Variants in POLL observed in about 807,000 individuals in gnomAD.
POLL encodes DNA polymerase lambda.
In POLL, 44 loss-of-function variants were observed where a neutral mutation model predicts 58.1. The ratio of observed to expected loss-of-function variants is 0.76; its 90% CI spans 0.60 to 0.97. The LOEUF is 0.97. Among genes scored for constraint, POLL ranks in the 50% least tolerant of loss-of-function variants. POLL has a pLI of 0.00. For missense variants in POLL, 632 were observed against 736.8 expected (o/e 0.86, Z 1.65); for synonymous variants, 290 against 283.2 (o/e 1.02, Z -0.24).
Position 101,580,326 on chromosome 10 carries a change from C to T in POLL, c.1285G>A (p.Asp429Asn), listed in dbSNP as rs761624292. 12 of 1,613,802 alleles carry T rather than the reference C, an allele frequency of 7.4e-6. No homozygotes were observed. Among genetic ancestry groups the T allele is most frequent in the East Asian group, 2.2e-5 (1 of 44,880 alleles). ...RRGKATCGDV[D>N]VLITHPDGRS... is the part of the protein sequence containing the mutation. ...CCATCTGGGTGAGTGATGAGCACGT[C>T]GACATCACCACAGGTCGCCTTTCCC... The change falls in exon 8 of 9, where the codon GAC (aspartate) becomes AAC (asparagine). Residue 429 changes from aspartate to asparagine, a missense_variant. Asp to Asn is a conservative substitution (Grantham distance 23). Coordinates refer to ENST00000370162, the MANE Select transcript of POLL (RefSeq NM_001174084.2). The surrounding 1 kb of genome is among the most constrained non-coding windows in gnomAD (Gnocchi z 4.1).
Position 101,583,647 on chromosome 10 carries a change from A to G in POLL, c.926T>C (p.Met309Thr). 2 of 1,614,178 alleles carry G rather than the reference A, an allele frequency of 1.2e-6. No individual in the cohort carries two copies. The highest frequency in any genetic ancestry group is 2.2e-5 in the South Asian group (2 of 91,084). Residue 309 changes from methionine (M) to threonine (T), a missense_variant, in exon 6 of 9, where the codon ATG (methionine) becomes ACG (threonine). By Grantham distance (81) the Met-to-Thr change is moderately conservative (BLOSUM62 -1). Coordinates refer to ENST00000370162, the MANE Select transcript of POLL (RefSeq NM_001174084.2). ...CAGGATCTCTATGATTTTCTCAGCC[A>G]TCCGCTTCCCAATCCCAGGGATACT... ...ACSIPGIGKR[M>T]AEKIIEILES... is the part of the protein sequence containing the mutation.
rs543893064 is a variant in POLL at position 101,580,371 on chromosome 10, C to T, written c.1240G>A (p.Ala414Thr). ...QAFNSGLLCV[A>T]CGSYRRGKAT... ...TTTCCCCGTCGGTATGAACCACATG[C>T]CACACACAGCAGCCCAGAGTTAAAG... The change falls in exon 8 of 9, where the codon GCA (alanine) becomes ACA (threonine). Residue 414 changes from alanine to threonine, a missense_variant. Transcript: ENST00000370162. This position sits in a 1 kb window ranked among gnomAD's most constrained non-coding sequence, Gnocchi z 4.1. The T allele has an allele frequency of 2.0e-4, 322 of 1,614,002 alleles. No individual in the cohort carries two copies. In the South Asian group the frequency reaches 3.4e-3, roughly 17 times the overall value.
rs1263912391 is a variant in POLL at position 101,579,379 on chromosome 10, G to A, written c.*74C>T. On this transcript the variant is annotated 3_prime_UTR_variant, in exon 9 of 9. Transcript: ENST00000370162. This position sits in a 1 kb window ranked among gnomAD's most constrained non-coding sequence, Gnocchi z 4.4. Reference sequence around the variant, plus strand: ...GAGCGGCGAGGTTCAGCCAGCTGAGGCTGGAGGGAGTACTGGGTGGCCAGG... The same window carrying A: ...GAGCGGCGAGGTTCAGCCAGCTGAGACTGGAGGGAGTACTGGGTGGCCAGG... The A allele has an allele frequency of 6.6e-7, 1 of 1,505,456 alleles. No individual in the cohort carries two copies. The highest frequency in any genetic ancestry group is 8.9e-7 in the Non-Finnish European group (1 of 1,127,892). 93.3% of individuals were successfully genotyped at this position (1,505,456 alleles called of 1,614,324 possible).
In POLL at chr10:101,580,131, G is replaced by A; in HGVS notation, c.1363+117C>T. 1 of 936,662 alleles carries A rather than the reference G, an allele frequency of 1.1e-6. No homozygotes were observed. The highest frequency in any genetic ancestry group is 2.3e-5 in the Admixed American group (1 of 42,910). The allele number at this position is 936,662 out of a possible 1,614,324, so 58.0% of individuals were successfully genotyped here. A position where few individuals can be genotyped will look rare whatever the true frequency, so the allele number is the denominator to read the frequency against. The stretch of plus-strand genomic sequence containing the variant: ...GATAGAGAGATGGGATGCTGGCAAA[G>A]CACTGTTCCCCTGCTTCCTGCCTCA... On this transcript the variant is annotated intron_variant, in intron 8 of 8. Transcript: ENST00000370162. This position sits in a 1 kb window ranked among gnomAD's most constrained non-coding sequence, Gnocchi z 4.1.
chr10:101,585,983 G>C lies in POLL; in HGVS notation c.289C>G (p.Leu97Val). 1.2e-6 allele frequency: 2 copies of C among 1,614,146 alleles called. No individual in the cohort carries two copies. The highest frequency in any genetic ancestry group is 1.7e-6 in the Non-Finnish European group (2 of 1,180,036). The change falls in exon 3 of 9, where the codon CTT (leucine) becomes GTT (valine). Residue 97 changes from leucine to valine, a missense_variant. Leu to Val is a conservative substitution (Grantham distance 32). Transcript: ENST00000370162. Reference sequence around the variant, plus strand: ...GGGGGCAGCTGGGGTAGTCTGAGAAGGCGGAGGGCTCGCTCATAGTCCATG... The same window carrying C: ...GGGGGCAGCTGGGGTAGTCTGAGAACGCGGAGGGCTCGCTCATAGTCCATG... ...EGMDYERALR[L>V]LRLPQLPPGA...
At position 101,583,380 on chromosome 10, in the gene POLL, C is replaced by T. The variant is rs111948901; in HGVS notation, c.1065+128G>A. On this transcript the variant is annotated intron_variant, in intron 6 of 8. Transcript: ENST00000370162. ...AGTCCTGGTCCGCTTGAAAAATGGT[C>T]TCCCTATACTGTGGGTGCATTCCCA... 37 of 974,946 alleles carry T rather than the reference C, an allele frequency of 3.8e-5. No homozygotes were observed. In the African/African-American group the frequency reaches 5.8e-4, roughly 15 times the overall value. 60.4% of individuals were successfully genotyped at this position (974,946 alleles called of 1,614,324 possible). A position where few individuals can be genotyped will look rare whatever the true frequency, so the allele number is the denominator to read the frequency against.
chr10:101,588,009 G>A lies in POLL; in HGVS notation c.-234C>T. 7.4e-7 allele frequency: 1 copy of A among 1,347,650 alleles called. No homozygotes were observed. Among genetic ancestry groups the A allele is most frequent in the Middle Eastern group, 2.0e-4 (1 of 5,026 alleles). 83.5% of individuals were successfully genotyped at this position (1,347,650 alleles called of 1,614,324 possible). On this transcript the variant is annotated 5_prime_UTR_variant, in exon 1 of 9. Coordinates refer to ENST00000370162, the MANE Select transcript of POLL (RefSeq NM_001174084.2). ...GAGGAGTCTCGCAGCTGCGGGTGAA[G>A]TCCCGGGCAGGTGCGGTGTACTCGC...
In POLL at chr10:101,579,433, T is replaced by C; in HGVS notation, c.*20A>G. The stretch of plus-strand genomic sequence containing the variant: ...GGTAGCCAGTCCAACTCGGCTCTCC[T>C]CAGCACCCCCAGCCATGGGTCACCA... On this transcript the variant is annotated 3_prime_UTR_variant, in exon 9 of 9. Coordinates refer to ENST00000370162, the MANE Select transcript of POLL (RefSeq NM_001174084.2). The surrounding 1 kb of genome is among the most constrained non-coding windows in gnomAD (Gnocchi z 4.4). 6.3e-7 allele frequency: 1 copy of C among 1,586,988 alleles called. No individual in the cohort carries two copies. The highest frequency in any genetic ancestry group is 8.6e-7 in the Non-Finnish European group (1 of 1,168,812).
At position 101,587,296 on chromosome 10, in the gene POLL, G is replaced by C. The variant is rs780448228; in HGVS notation, c.65C>G (p.Ser22Ter). 1 of 1,614,158 alleles carries C rather than the reference G, an allele frequency of 6.2e-7. No homozygotes were observed. Among genetic ancestry groups the C allele is most frequent in the Non-Finnish European group, 8.5e-7 (1 of 1,180,022 alleles). ...KRQKIHADAS[S>*]KVLAKIPRRE... Reference sequence around the variant, plus strand: ...CCTAGGAATCTTTGCAAGTACTTTTGATGATGCATCAGCATGAATTTTCTG... The same window carrying C: ...CCTAGGAATCTTTGCAAGTACTTTTCATGATGCATCAGCATGAATTTTCTG... The change falls in exon 2 of 9, where the codon TCA (serine) becomes TGA (stop). Residue 22 changes from serine to a stop codon, truncating the protein, a stop_gained. Coordinates refer to ENST00000370162, the MANE Select transcript of POLL (RefSeq NM_001174084.2). LOFTEE classifies it high-confidence loss of function.
rs1487643084 is a variant in POLL, at chr10:101,580,655, C to T, written c.1195-239G>A. The T allele has an allele frequency of 8.6e-6, 4 of 467,456 alleles. No homozygotes were observed. The highest frequency in any genetic ancestry group is 8.0e-5 in the African/African-American group (4 of 50,134). 29.0% of individuals were successfully genotyped at this position (467,456 alleles called of 1,614,324 possible). On this transcript the variant is annotated intron_variant, in intron 7 of 8. Transcript: ENST00000370162. The surrounding 1 kb of genome is among the most constrained non-coding windows in gnomAD (Gnocchi z 4.1). Reference sequence around the variant, plus strand: ...GCCTGAGGAGAGACGGGAGAAGGTGCCGGCTCTGCTTCTGAGAGTGGGCAC... The same window carrying T: ...GCCTGAGGAGAGACGGGAGAAGGTGTCGGCTCTGCTTCTGAGAGTGGGCAC...
rs747745218 is a variant in POLL, at chr10:101,584,931, GAAGAA to G, written c.574-17_574-13del. 11 of 1,373,290 alleles carry G rather than the reference GAAGAA, an allele frequency of 8.0e-6. No homozygotes were observed. The East Asian group carries it at 2.4e-4, about 29-fold the overall frequency. The allele number at this position is 1,373,290 out of a possible 1,614,324, so 85.1% of individuals were successfully genotyped here. ...TCATCAGAGATGGGCTTGGGATAGA[GAAGAA>G]AAGAAAACAATAAATTCTTGTTCTC... is the stretch of plus-strand genomic sequence containing the variant. On this transcript the variant is annotated splice_polypyrimidine_tract_variant and intron_variant, in intron 4 of 8. Coordinates refer to ENST00000370162, the MANE Select transcript of POLL (RefSeq NM_001174084.2).
Position 101,585,488 on chromosome 10 carries a change from T to A in POLL, c.411-10A>T. The A allele has an allele frequency of 6.6e-7, 1 of 1,515,496 alleles. No homozygotes were observed. Among genetic ancestry groups the A allele is most frequent in the Non-Finnish European group, 8.8e-7 (1 of 1,130,924 alleles). 93.9% of individuals were successfully genotyped at this position (1,515,496 alleles called of 1,614,324 possible). On this transcript the variant is annotated splice_polypyrimidine_tract_variant and intron_variant, in intron 3 of 8. Transcript: ENST00000370162. ...TGGATGGTCCAAGTACCTGTGGGGA[T>A]GGTGATGGGAGGTTAAGACACCAAA...
At position 101,584,884 on chromosome 10, in the gene POLL, T is replaced by C; in HGVS notation, c.609A>G (p.Glu203=). ...ISDDEASDGE[E]TQVSAADLEA... ...CCAGATCAGCTGCACTAACCTGGGT[T>C]TCTTCCCCATCACTGGCTTCATCAT... is the stretch of plus-strand genomic sequence containing the variant. Residue 203 remains glutamate, a synonymous_variant, in exon 5 of 9, where the codon GAA becomes GAG. Coordinates refer to ENST00000370162, the MANE Select transcript of POLL (RefSeq NM_001174084.2). 1 of 1,434,418 alleles carries C rather than the reference T, an allele frequency of 7.0e-7. No homozygotes were observed. The highest frequency in any genetic ancestry group is 2.5e-5 in the East Asian group (1 of 40,156). 88.9% of individuals were successfully genotyped at this position (1,434,418 alleles called of 1,614,324 possible). A position where few individuals can be genotyped will look rare whatever the true frequency, so the allele number is the denominator to read the frequency against.
intron 5 of POLL, 44 bp from the exon 6 acceptor site, chr10:101,583,725 T>A: frequency 6.4e-7 from 1 of 1,572,250 alleles, no homozygotes; most frequent in South Asian, 1.1e-5. Context: ...AGTGAGGAGA[T>A]GGAAGAGGTA....
chr10:101,579,801 G>A lies in POLL; in HGVS notation c.1380C>T (p.Asp460=). 1 of 1,613,176 alleles carries A rather than the reference G, an allele frequency of 6.2e-7. No homozygotes were observed. Among genetic ancestry groups the A allele is most frequent in the Non-Finnish European group, 8.5e-7 (1 of 1,179,624 alleles). Residue 460 remains aspartate, a synonymous_variant, in exon 9 of 9, where the codon GAC becomes GAT. Transcript: ENST00000370162. The surrounding 1 kb of genome is among the most constrained non-coding windows in gnomAD (Gnocchi z 4.4). ...SLRQEGFLTD[D]LVSQEENGQQ... ...GACCATTCTCCTCTTGGCTCACCAA[G>A]TCATCTGTGAGGAACCCTGGCCCAA...
rs144419506 is a variant in POLL, at chr10:101,584,672, C to T, written c.821G>A (p.Trp274Ter). The change falls in exon 5 of 9, where the codon TGG becomes TAG. Residue 274 changes from tryptophan to a stop codon, truncating the protein, a stop_gained. Transcript: ENST00000370162. LOFTEE classifies it high-confidence loss of function. ...AKAYSVQGDK[W>*]RALGYAKAIN... ...GGCCTTGGCATAGCCCAGGGCCCTCCACTTGTCTCCCTGAACACTGTAGGC... is the reference window on the plus strand; with the variant it reads ...GGCCTTGGCATAGCCCAGGGCCCTCTACTTGTCTCCCTGAACACTGTAGGC... 2.7e-5 allele frequency: 43 copies of T among 1,613,360 alleles called. 1 individual carries two copies. In the African/African-American group the frequency reaches 4.9e-4, roughly 19 times the overall value.
Position 101,586,083 on chromosome 10 carries a change from C to T in POLL, c.189G>A (p.Lys63=). The change falls in exon 3 of 9, where the codon AAG becomes AAA. Residue 63 remains lysine, a synonymous_variant. Coordinates refer to ENST00000370162, the MANE Select transcript of POLL (RefSeq NM_001174084.2). ...GCTGGCCGCCATGCTGAACAATCTG[C>T]TTCTCAAAGAGTTCTGCCCGGGCTC... is the stretch of plus-strand genomic sequence containing the variant. ...IGRARAELFE[K]QIVQHGGQLC... The T allele has an allele frequency of 1.2e-6, 2 of 1,614,062 alleles. No individual in the cohort carries two copies. The highest frequency in any genetic ancestry group is 1.7e-6 in the Non-Finnish European group (2 of 1,180,032).
At position 101,588,099 on chromosome 10, in the gene POLL, G is replaced by A; in HGVS notation, c.-324C>T. The A allele has an allele frequency of 6.7e-7, 1 of 1,502,674 alleles. No individual in the cohort carries two copies. Among genetic ancestry groups the A allele is most frequent in the Non-Finnish European group, 8.9e-7 (1 of 1,126,332 alleles). 93.1% of individuals were successfully genotyped at this position (1,502,674 alleles called of 1,614,324 possible). A position where few individuals can be genotyped will look rare whatever the true frequency, so the allele number is the denominator to read the frequency against. ...GGGCTAGAAGAAAGCTGGAGTGCCCGACCCCGGCCCCAAGAGTCTCTCCAA... is the reference window on the plus strand; with the variant it reads ...GGGCTAGAAGAAAGCTGGAGTGCCCAACCCCGGCCCCAAGAGTCTCTCCAA... On this transcript the variant is annotated 5_prime_UTR_variant, in exon 1 of 9. Coordinates refer to ENST00000370162, the MANE Select transcript of POLL (RefSeq NM_001174084.2).
chr10:101,584,560 T>A lies in POLL; in HGVS notation c.891+42A>T, dbSNP rs764400950. The stretch of plus-strand genomic sequence containing the variant: ...GAACCCCACTGGGGTTACTAACCAC[T>A]GGCCAGTAAAGACCCCTCCTCCCAC... On this transcript the variant is annotated intron_variant, in intron 5 of 8. Coordinates refer to ENST00000370162, the MANE Select transcript of POLL (RefSeq NM_001174084.2). 12 of 1,408,834 alleles carry A rather than the reference T, an allele frequency of 8.5e-6. No homozygotes were observed. In the East Asian group the frequency reaches 2.6e-4, roughly 30 times the overall value. The allele number at this position is 1,408,834 out of a possible 1,614,324, so 87.3% of individuals were successfully genotyped here. A position where few individuals can be genotyped will look rare whatever the true frequency, so the allele number is the denominator to read the frequency against.
Sources: allele counts gnomAD v4.1 joint callset, GRCh38; gene constraint gnomAD v4.1.1; non-coding constraint Gnocchi (gnomAD v3.1); transcripts MANE v1.5; gene names NCBI Gene and HGNC (gene_info 2026-07-23, HGNC 2026-07-21).